Variants in HIBCH observed in about 807,000 individuals in gnomAD.
The protein encoded by HIBCH is 3-hydroxyisobutyryl-CoA hydrolase, mitochondrial.
In HIBCH, 50 loss-of-function variants were observed where a neutral mutation model predicts 58.2. The observed-to-expected ratio is 0.86, with a 90% CI of 0.68 to 1.09. The LOEUF is 1.09. Ranked by LOEUF, HIBCH falls within the 50% of genes least tolerant of loss-of-function variation. The pLI is 0.00. For synonymous variants in HIBCH, 151 were observed against 146.9 expected (o/e 1.03, Z -0.20); for missense variants, 450 against 449.7 (o/e 1.00, Z -0.01).
intron 9 of HIBCH, among the ~76,000 whole-genome samples, chr2:190,247,087 C>T (rs147798130): frequency 8.6e-5 from 13 of 152,000 alleles, no homozygotes; most frequent in African/African-American, 2.9e-4. Flanking sequence ...GGTTAAAACA[C>T]AAGATTCGCA....
intron 11 of HIBCH, among the ~76,000 whole-genome samples, chr2:190,239,488 C>G (rs746112968): frequency 1.3e-5 from 2 of 152,054 alleles, no homozygotes; most frequent in African/African-American, 2.4e-5. Flanking sequence ...TTTTCTAGAT[C>G]TGTGAAAAAA....
rs142532350 is a variant in HIBCH, at chr2:190,293,439, G to C, written c.304+1107C>G. Among the ~76,000 whole-genome samples, 1,341 of 147,208 alleles carry C rather than the reference G, an allele frequency of 9.1e-3. 64 individuals are homozygous for C. The highest frequency in any genetic ancestry group is 0.071 in the Admixed American group (1,022 of 14,418). On this transcript the variant is annotated intron_variant, in intron 4 of 13. Transcript: ENST00000359678. ...CTGCACTCCAGCCTGCGCAACAAGA[G>C]CGAAACTCCGTCTCAAAAAAAAAAA... is the stretch of plus-strand genomic sequence containing the variant.
At chr2:190,235,937 A>C (rs1040766216) in intron 11 of HIBCH, among the ~76,000 whole-genome samples, 2 of 152,216 alleles carry the variant, frequency 1.3e-5, no homozygotes, top group Non-Finnish European at 2.9e-5. Flanking sequence ...TTCATACTTC[A>C]GTGGCTGCTG....
intron 6 of HIBCH, among the ~76,000 whole-genome samples, chr2:190,282,661 C>A (rs1401848658): frequency 1.1e-4 from 17 of 152,032 alleles, no homozygotes; most frequent in Non-Finnish European, 4.4e-5. Context: ...GTAAATCAGA[C>A]ATGAAAAGTG....
intron 6 of HIBCH, among the ~76,000 whole-genome samples, chr2:190,267,421 G>A (rs1252509600): frequency 1.3e-5 from 2 of 151,702 alleles, no homozygotes; most frequent in Non-Finnish European, 2.9e-5. Flanking sequence ...TGTCTTGAAT[G>A]CCTGACCTTA....
rs1160356519 is a variant in HIBCH, at chr2:190,215,692, G to A, written c.892-2617C>T. ...CTGTAAGAAGAAAGGGGGAAACATC[G>A]ATGAAAAGAAAGGAAATCAGAAAGA... is the stretch of plus-strand genomic sequence containing the variant. On this transcript the variant is annotated intron_variant, in intron 11 of 13. Coordinates refer to ENST00000359678, the MANE Select transcript of HIBCH (RefSeq NM_014362.4). The surrounding 1 kb of genome is among the most constrained non-coding windows in gnomAD (Gnocchi z 4.4). 2 of 152,318 alleles carry A rather than the reference G, an allele frequency of 1.3e-5. No homozygotes were observed. The highest frequency in any genetic ancestry group is 2.9e-5 in the Non-Finnish European group (2 of 68,046). 9.4% of individuals were successfully genotyped at this position (152,318 alleles called of 1,614,324 possible). A position where few individuals can be genotyped will look rare whatever the true frequency, so the allele number is the denominator to read the frequency against.
intron 6 of HIBCH, among the ~76,000 whole-genome samples, chr2:190,280,554 G>A (rs541778698): frequency 6.6e-6 from 1 of 152,302 alleles, no homozygotes; most frequent in African/African-American, 2.4e-5. Flanking sequence ...GGGCGAGTGG[G>A]CCCAAGCATG....
At chr2:190,312,961 T>A (rs1688597565) in intron 1 of HIBCH, among the ~76,000 whole-genome samples, 1 of 152,188 alleles carries the variant, frequency 6.6e-6, no homozygotes. Flanking sequence ...TAGCCAGGCA[T>A]GGTGGTGGGC....
At chr2:190,194,512 ACACACACG>A (rs1252123349) in intron 1 of HIBCH, among the ~76,000 whole-genome samples, 2 of 149,860 alleles carry the variant, frequency 1.3e-5, no homozygotes, top group African/African-American at 5.0e-5. Flanking sequence ...ACACACACAC[ACACACACG>A]CAGCATCTCC....
chr2:190,196,962 G>A (rs1276375721), intron 1 of HIBCH, among the ~76,000 whole-genome samples: 2 of 152,150 alleles, frequency 1.3e-5, no homozygotes, highest in African/African-American at 2.4e-5. Flanking sequence ...GGTTCTGGAG[G>A]CTGGGAAGTC....
chr2:190,319,783 G>T lies in HIBCH; in HGVS notation c.-33C>A. 2.5e-6 allele frequency: 4 copies of T among 1,604,354 alleles called. No individual in the cohort carries two copies. In the South Asian group the frequency reaches 4.5e-5, roughly 18 times the overall value. On this transcript the variant is annotated 5_prime_UTR_variant, in exon 1 of 14. Transcript: ENST00000359678. ...CACTCCGAAGCTAAAGCAGCAGAGC[G>T]AGAATCTCCCGGACCGTTCCAGCGC...
intron 1 of HIBCH, among the ~76,000 whole-genome samples, chr2:190,198,409 G>A (rs566028393): frequency 1.3e-5 from 2 of 152,220 alleles, no homozygotes; most frequent in South Asian, 4.2e-4. Flanking sequence ...GGGAGGCTGA[G>A]GTGGGCAGAT....
At chr2:190,274,978 G>C (rs766180083) in intron 6 of HIBCH, among the ~76,000 whole-genome samples, 1 of 152,136 alleles carries the variant, frequency 6.6e-6, no homozygotes, top group Non-Finnish European at 1.5e-5. Flanking sequence ...TGTATCTGCT[G>C]GTTCTCAAAA....
At chr2:190,231,208 AAATT>A (rs1244411127) in intron 11 of HIBCH, among the ~76,000 whole-genome samples, 2 of 152,212 alleles carry the variant, frequency 1.3e-5, no homozygotes, top group Non-Finnish European at 2.9e-5. Context: ...TACGCACAAA[AAATT>A]AATGTGAGAT....
chr2:190,256,740 T>C (rs997475982), intron 7 of HIBCH, among the ~76,000 whole-genome samples: 10 of 152,088 alleles, frequency 6.6e-5, no homozygotes, highest in African/African-American at 2.4e-4. Flanking sequence ...ACATAACCTA[T>C]ATATTCAAGA....
At chr2:190,194,421 G>T (rs928804492) in intron 1 of HIBCH, among the ~76,000 whole-genome samples, 4 of 151,208 alleles carry the variant, frequency 2.6e-5, no homozygotes, top group Non-Finnish European at 5.9e-5. Flanking sequence ...TTTCAGAGCA[G>T]TTTTAAGTTA....
At position 190,210,227 on chromosome 2, in the gene HIBCH, T is replaced by C. The variant is rs937355945; in HGVS notation, c.1012-1314A>G. 6.6e-6 allele frequency among the ~76,000 whole-genome samples: 1 copy of C among 152,184 alleles called. No individual in the cohort carries two copies. Among genetic ancestry groups the C allele is most frequent in the Non-Finnish European group, 1.5e-5 (1 of 68,026 alleles). On this transcript the variant is annotated intron_variant, in intron 12 of 13. Coordinates refer to ENST00000359678, the MANE Select transcript of HIBCH (RefSeq NM_014362.4). The surrounding 1 kb of genome is among the most constrained non-coding windows in gnomAD (Gnocchi z 5.5). ...AACTTCTGCCCCCACTCCTCTAAAA[T>C]GGCTTGCCAAAACCACCCATGACAT...
chr2:190,206,271 A>T lies in HIBCH; in HGVS notation c.1046-1039T>A, dbSNP rs1455317971. On this transcript the variant is annotated intron_variant, in intron 13 of 13. Transcript: ENST00000359678. This position sits in a 1 kb window ranked among gnomAD's most constrained non-coding sequence, Gnocchi z 5.1. ...GCCTACTATGAGATTCTGGTATCAG[A>T]TCAGTGGCGATATTAAATACTGATG... 1.3e-5 allele frequency among the ~76,000 whole-genome samples: 2 copies of T among 152,162 alleles called. No homozygotes were observed.
At chr2:190,285,918 GCTCACTATAAC>G (rs1687816635) in intron 6 of HIBCH, among the ~76,000 whole-genome samples, 1 of 152,084 alleles carries the variant, frequency 6.6e-6, no homozygotes, top group South Asian at 2.1e-4. Context: ...CATGATCTCA[GCTCACTATAAC>G]CTCCCGGGTT....
Sources: gnomAD v4.1 joint callset for allele counts (sites outside exome capture counted in the v4.1 genomes callset) on GRCh38, gnomAD v4.1.1 for gene constraint, Gnocchi (gnomAD v3.1) non-coding constraint, MANE v1.5 for transcripts, NCBI Gene and HGNC (gene_info 2026-07-23, HGNC 2026-07-21) for gene names.